Variants in STXBP5L observed in about 807,000 individuals in gnomAD.
The protein encoded by STXBP5L is syntaxin binding protein 5L.
A neutral mutation model predicts 144.5 loss-of-function variants in STXBP5L; 65 were observed. The observed-to-expected ratio is 0.45, with a 90% CI of 0.37 to 0.55. The LOEUF (loss-of-function observed/expected upper bound fraction) is 0.55. Ranked by LOEUF, STXBP5L falls within the 20% of genes least tolerant of loss-of-function variation. STXBP5L has a pLI of 0.00. For synonymous variants in STXBP5L, 505 were observed against 469.6 expected (o/e 1.08, Z -0.97); for missense variants, 1,298 against 1,405.5 (o/e 0.92, Z 1.22).
At chr3:121,239,942 CAT>C (rs1027105999) in intron 13 of STXBP5L, among the ~76,000 whole-genome samples, 4 of 152,038 alleles carry the variant, frequency 2.6e-5, no homozygotes, top group African/African-American at 7.2e-5. Flanking sequence ...GTTTAGGAAA[CAT>C]AATTATTAAA....
At chr3:121,211,793 G>T (rs1345897448) in intron 10 of STXBP5L, among the ~76,000 whole-genome samples, 1 of 151,844 alleles carries the variant, frequency 6.6e-6, no homozygotes, top group Non-Finnish European at 1.5e-5. Flanking sequence ...TGTTGGCCAG[G>T]ATGGTCTCCA....
At chr3:121,196,166 CTT>C (rs1314610009) in intron 9 of STXBP5L, among the ~76,000 whole-genome samples, 1 of 140,292 alleles carries the variant, frequency 7.1e-6, no homozygotes. Flanking sequence ...AATATCAATT[CTT>C]TTTTTTTTTT....
intron 7 of STXBP5L, among the ~76,000 whole-genome samples, chr3:121,123,860 GT>G (rs1158621323): frequency 6.6e-6 from 1 of 151,590 alleles, no homozygotes. Flanking sequence ...TGTCACAGAA[GT>G]TTTTTTATTT....
At chr3:121,153,174 C>A (rs1259426645) in intron 8 of STXBP5L, among the ~76,000 whole-genome samples, 1 of 152,032 alleles carries the variant, frequency 6.6e-6, no homozygotes, top group Non-Finnish European at 1.5e-5. Context: ...TTAGGGGAAG[C>A]AACAAACTCC....
chr3:121,086,402 A>C (rs940109556), intron 5 of STXBP5L, among the ~76,000 whole-genome samples: 12 of 152,110 alleles, frequency 7.9e-5, no homozygotes, highest in Non-Finnish European at 5.9e-5. Flanking sequence ...AAAAATTTCT[A>C]TTGCCTCATG....
intron 19 of STXBP5L, among the ~76,000 whole-genome samples, chr3:121,313,727 CG>C (rs1310868582): frequency 1.2e-5 from 1 of 81,424 alleles, no homozygotes; most frequent in Admixed American, 1.4e-4. Flanking sequence ...GCTGGCCGGG[CG>C]GGGGGCTGAC....
intron 5 of STXBP5L, among the ~76,000 whole-genome samples, chr3:121,050,050 G>T (rs1477987326): frequency 6.6e-6 from 1 of 152,118 alleles, no homozygotes; most frequent in East Asian, 1.9e-4. Context: ...TGCCACTTCT[G>T]GGTGGGCAAT....
intron 2 of STXBP5L, among the ~76,000 whole-genome samples, chr3:120,936,198 T>C (rs1710255894): frequency 6.6e-6 from 1 of 152,206 alleles, no homozygotes; most frequent in Non-Finnish European, 1.5e-5. Flanking sequence ...CTAGCATTTC[T>C]TTTTGATTCT....
intron 2 of STXBP5L, among the ~76,000 whole-genome samples, chr3:120,944,255 C>A: frequency 6.7e-6 from 1 of 149,486 alleles, no homozygotes; most frequent in Admixed American, 6.7e-5. Flanking sequence ...AGTAAAAATA[C>A]AAAAATAAAG....
At chr3:121,407,191 AG>A in intron 22 of STXBP5L, 51 bp from the exon 23 acceptor site, 1 of 1,516,978 alleles carries the variant, frequency 6.6e-7, no homozygotes, top group Non-Finnish European at 8.8e-7. Flanking sequence ...AATTCCCTAT[AG>A]ATGCTTTAGA....
At chr3:121,181,541 C>T (rs1303876636) in intron 9 of STXBP5L, among the ~76,000 whole-genome samples, 3 of 152,284 alleles carry the variant, frequency 2.0e-5, no homozygotes, top group African/African-American at 4.8e-5. Flanking sequence ...CAAGACCAAC[C>T]TGGCCAACAT....
Position 121,337,683 on chromosome 3 carries a change from T to C in STXBP5L, c.2176+19143T>C, listed in dbSNP as rs984855491. ...GAAAGTGAGCAAGAAAATGTTGTAC[T>C]TAAACTGCATTCTAGAACAAATATA... On this transcript the variant is annotated intron_variant, in intron 20 of 26. Coordinates refer to ENST00000471454, the MANE Select transcript of STXBP5L (RefSeq NM_001308330.2). Among the ~76,000 whole-genome samples the C allele has an allele frequency of 2.6e-5, 4 of 152,190 alleles. No individual in the cohort carries two copies. The South Asian group carries it at 6.2e-4, about 24-fold the overall frequency.
intron 3 of STXBP5L, among the ~76,000 whole-genome samples, chr3:120,995,524 A>G (rs922720051): frequency 7.3e-5 from 11 of 151,178 alleles, no homozygotes; most frequent in Admixed American, 1.3e-4. Flanking sequence ...TAATGATTTA[A>G]TGTTGATTTA....
intron 10 of STXBP5L, among the ~76,000 whole-genome samples, chr3:121,212,194 G>A (rs1404784527): frequency 6.6e-6 from 1 of 152,008 alleles, no homozygotes; most frequent in Admixed American, 6.6e-5. Context: ...AGTTTCTTTT[G>A]CTGTACAGAA....
intron 20 of STXBP5L, among the ~76,000 whole-genome samples, chr3:121,337,903 G>A (rs1323761755): frequency 6.6e-6 from 1 of 151,924 alleles, no homozygotes; most frequent in Non-Finnish European, 1.5e-5. Flanking sequence ...ACACCAAAAG[G>A]AACACTCAAA....
At chr3:121,322,532 G>A (rs1264085724) in intron 20 of STXBP5L, among the ~76,000 whole-genome samples, 1 of 149,846 alleles carries the variant, frequency 6.7e-6, no homozygotes, top group East Asian at 1.9e-4. Context: ...AGCATTCCAT[G>A]GTGTATATGA....
chr3:121,067,399 T>C (rs888343353), intron 5 of STXBP5L, among the ~76,000 whole-genome samples: 4 of 152,144 alleles, frequency 2.6e-5, no homozygotes, highest in African/African-American at 9.6e-5. Context: ...GAACCTTGTG[T>C]TATTTAGAAG....
intron 1 of STXBP5L, 41 bp from the exon 2 acceptor site, chr3:120,909,530 A>C (rs1708716263): frequency 1.3e-6 from 2 of 1,565,472 alleles, no homozygotes; most frequent in Admixed American, 3.7e-5. Flanking sequence ...GCACGTGTTA[A>C]GTCACCTCTT....
chr3:121,290,357 A>AAT (rs2051386785), intron 19 of STXBP5L, among the ~76,000 whole-genome samples: 1 of 152,154 alleles, frequency 6.6e-6, no homozygotes, highest in South Asian at 2.1e-4. Context: ...ACCAGGAAGA[A>AAT]ATAGAAACTC....
Sources: allele counts gnomAD v4.1 joint callset (sites outside exome capture counted in the v4.1 genomes callset), GRCh38; gene constraint gnomAD v4.1.1; transcripts MANE v1.5; gene names NCBI Gene and HGNC (gene_info 2026-07-23, HGNC 2026-07-21).